Variants in CREB1 observed in about 807,000 individuals in gnomAD.
CREB1 encodes the protein cAMP responsive element binding protein 1, also known as cyclic AMP-responsive element-binding protein 1.
Under a neutral mutation model 42.0 loss-of-function variants are expected in CREB1, and 2 were observed. The ratio of observed to expected loss-of-function variants is 0.05; its 90% CI spans 0.02 to 0.15. The LOEUF (loss-of-function observed/expected upper bound fraction) is 0.15. Among genes scored for constraint, CREB1 ranks in the 10% least tolerant of loss-of-function variants. The pLI, the probability that CREB1 is intolerant of heterozygous loss-of-function variation, is 1.00. For synonymous variants in CREB1, 123 were observed against 139.9 expected, an observed-to-expected ratio of 0.88 and a Z score of 0.85; for missense variants, 199 against 388.9, an observed-to-expected ratio of 0.51 and a Z score of 4.11.
In CREB1 at chr2:207,567,489, T is replaced by C; in HGVS notation, c.288T>C (p.Asp96=). The C allele has an allele frequency of 6.2e-7, 1 of 1,610,774 alleles. No homozygotes were observed. The highest frequency in any genetic ancestry group is 8.5e-7 in the Non-Finnish European group (1 of 1,177,836). ...TTTCAACTATTGCAGAAAGTGAAGATTCACAGGAGTCAGTGGATAGTGTAA... is the reference window on the plus strand; with the variant it reads ...TTTCAACTATTGCAGAAAGTGAAGACTCACAGGAGTCAGTGGATAGTGTAA... ...VQISTIAESE[D]SQESVDSVTD... The change falls in exon 4 of 8, where the codon GAT becomes GAC. Residue 96 remains aspartate, a synonymous_variant. Coordinates refer to ENST00000353267, the MANE Select transcript of CREB1 (RefSeq NM_004379.5).
intron 7 of CREB1, among the ~76,000 whole-genome samples, chr2:207,590,878 T>C (rs925648510): frequency 2.6e-5 from 4 of 152,206 alleles, no homozygotes; most frequent in African/African-American, 9.6e-5. Context: ...AAATTTCCAT[T>C]TTAGCATTGG....
At chr2:207,558,032 G>A (rs186334040) in intron 2 of CREB1, among the ~76,000 whole-genome samples, 47 of 152,298 alleles carry the variant, frequency 3.1e-4, no homozygotes, top group Non-Finnish European at 6.0e-4. Context: ...TGTTAGAGTT[G>A]ACTTTACAGA....
intron 1 of CREB1, among the ~76,000 whole-genome samples, chr2:207,531,671 A>G (rs559417854): frequency 6.6e-6 from 1 of 152,328 alleles, no homozygotes; most frequent in East Asian, 1.9e-4. Flanking sequence ...AAAGCCCCGA[A>G]CAGTTATTTT....
chr2:207,583,385 A>G (rs911290758), intron 7 of CREB1, among the ~76,000 whole-genome samples: 1 of 152,222 alleles, frequency 6.6e-6, no homozygotes, highest in Non-Finnish European at 1.5e-5. Flanking sequence ...TCTCCGACAG[A>G]AACTTGGCTT....
chr2:207,556,770 G>A (rs2081740923), intron 2 of CREB1, among the ~76,000 whole-genome samples: 1 of 152,172 alleles, frequency 6.6e-6, no homozygotes, highest in African/African-American at 2.4e-5. Context: ...AGAGAGCCAG[G>A]ACTTCCATCA....
At chr2:207,561,567 T>C (rs1282384196) in intron 3 of CREB1, among the ~76,000 whole-genome samples, 3 of 152,232 alleles carry the variant, frequency 2.0e-5, no homozygotes, top group Non-Finnish European at 2.9e-5. Context: ...GCAAGTCTAA[T>C]TCCTGTTCTA....
rs571903966 is a variant in CREB1, at chr2:207,531,175, G to A, written c.-9+1041G>A. 2.6e-5 allele frequency among the ~76,000 whole-genome samples: 4 copies of A among 152,240 alleles called. No individual in the cohort carries two copies. The East Asian group carries it at 7.7e-4, about 29-fold the overall frequency. The stretch of plus-strand genomic sequence containing the variant: ...ATTCTGAAACACTTCGTTGGAACGA[G>A]TATCAGCCGATGTACTCTTGTTTTA... On this transcript the variant is annotated intron_variant, in intron 1 of 7. Transcript: ENST00000353267.
At chr2:207,593,362 C>A (rs962204820) in intron 7 of CREB1, among the ~76,000 whole-genome samples, 2 of 152,082 alleles carry the variant, frequency 1.3e-5, no homozygotes, top group African/African-American at 4.8e-5. Flanking sequence ...ACTGTCTCTA[C>A]AAAAAATAAT....
chr2:207,577,820 C>T, intron 7 of CREB1, 165 bp downstream of exon 7: 1 of 746,018 alleles, frequency 1.3e-6, no homozygotes, highest in Non-Finnish European at 2.2e-6. Flanking sequence ...ATAAGCTGCA[C>T]TTATAAGATA....
rs2087782417 is a variant in CREB1, at chr2:207,604,724, C to T, written c.*7666C>T. On this transcript the variant is annotated 3_prime_UTR_variant, in exon 8 of 8. Transcript: ENST00000353267. The stretch of plus-strand genomic sequence containing the variant: ...TTCTCATCACTCCAAAAGTAAAGTC[C>T]CGTTACTCTCCATTTTCTCCTCCCA... 6.6e-6 allele frequency among the ~76,000 whole-genome samples: 1 copy of T among 152,164 alleles called. No homozygotes were observed. Among genetic ancestry groups the T allele is most frequent in the Admixed American group, 6.5e-5 (1 of 15,270 alleles).
chr2:207,585,760 T>G (rs2083706687), intron 7 of CREB1, among the ~76,000 whole-genome samples: 1 of 152,114 alleles, frequency 6.6e-6, no homozygotes, highest in South Asian at 2.1e-4. Context: ...ACTGAAGAAT[T>G]TAATAAATAA....
At chr2:207,530,860 C>G (rs2080586641) in intron 1 of CREB1, among the ~76,000 whole-genome samples, 1 of 151,822 alleles carries the variant, frequency 6.6e-6, no homozygotes, top group Admixed American at 6.6e-5. Context: ...GTGCCCTTTC[C>G]CCCCCGCTCC....
intron 7 of CREB1, among the ~76,000 whole-genome samples, chr2:207,596,099 A>T (rs912335957): frequency 9.8e-5 from 15 of 152,302 alleles, no homozygotes; most frequent in African/African-American, 3.6e-4. Flanking sequence ...TTATAGTTTT[A>T]GGTCTTACGG....
intron 5 of CREB1, among the ~76,000 whole-genome samples, chr2:207,572,938 TA>T (rs1440493889): frequency 2.0e-5 from 3 of 152,260 alleles, no homozygotes; most frequent in African/African-American, 7.2e-5. Flanking sequence ...ATGCTGTTAC[TA>T]GATTTATCTG....
chr2:207,601,301 T>G lies in CREB1; in HGVS notation c.*4243T>G. On this transcript the variant is annotated 3_prime_UTR_variant, in exon 8 of 8. Coordinates refer to ENST00000353267, the MANE Select transcript of CREB1 (RefSeq NM_004379.5). ...TTTGGGTATTAGCAACTTAAGAAAT[T>G]CCCTCATCAAGTAATTCTCAACTTT... The G allele has an allele frequency of 5.4e-6, 1 of 185,594 alleles. No individual in the cohort carries two copies. The highest frequency in any genetic ancestry group is 1.1e-5 in the Non-Finnish European group (1 of 87,524). The allele number at this position is 185,594 out of a possible 1,614,324, so 11.5% of individuals were successfully genotyped here. A position where few individuals can be genotyped will look rare whatever the true frequency, so the allele number is the denominator to read the frequency against.
At chr2:207,576,259 T>A (rs1484689138) in intron 6 of CREB1, among the ~76,000 whole-genome samples, 10 of 106,030 alleles carry the variant, frequency 9.4e-5, no homozygotes, top group African/African-American at 3.3e-4. Context: ...TTTTTTTTTT[T>A]AGTTTTTTTT....
Position 207,602,558 on chromosome 2 carries a change from TGA to T in CREB1, c.*5502_*5503del. On this transcript the variant is annotated 3_prime_UTR_variant, in exon 8 of 8. Coordinates refer to ENST00000353267, the MANE Select transcript of CREB1 (RefSeq NM_004379.5). ...CATCTCAGAGAAGTGAGAGTAAATCTGAGTTAGCTTAAAAATTGGTAGGGAGG... is the reference window on the plus strand; with the variant it reads ...CATCTCAGAGAAGTGAGAGTAAATCTGTTAGCTTAAAAATTGGTAGGGAGG... 4.7e-6 allele frequency: 1 copy of T among 211,268 alleles called. No individual in the cohort carries two copies. Among genetic ancestry groups the T allele is most frequent in the Non-Finnish European group, 9.6e-6 (1 of 104,064 alleles). The allele number at this position is 211,268 out of a possible 1,614,324, so 13.1% of individuals were successfully genotyped here.
intron 1 of CREB1, among the ~76,000 whole-genome samples, chr2:207,546,900 T>G (rs1174773853): frequency 6.6e-6 from 1 of 152,210 alleles, no homozygotes; most frequent in African/African-American, 2.4e-5. Context: ...GCTGTTTGAC[T>G]AGTAAGCAAA....
chr2:207,576,650 C>A, intron 6 of CREB1: 1 of 1,290,098 alleles, frequency 7.8e-7, no homozygotes. Context: ...AATTGTAAAG[C>A]AGGATGTCAG....
Sources: gnomAD v4.1 joint callset for allele counts (sites outside exome capture counted in the v4.1 genomes callset) on GRCh38, gnomAD v4.1.1 for gene constraint, MANE v1.5 for transcripts, NCBI Gene and HGNC (gene_info 2026-07-23, HGNC 2026-07-21) for gene names.